SEC14L4: variants seen among roughly 807,000 people sequenced by gnomAD.
SEC14L4 encodes the protein SEC14 like lipid binding 4.
In SEC14L4, 42 loss-of-function variants were observed where a neutral mutation model predicts 55.1. That is an observed-to-expected ratio of 0.76 (90% CI 0.60 to 0.99). SEC14L4 has a LOEUF of 0.99. Ranked by LOEUF, SEC14L4 falls within the 50% of genes least tolerant of loss-of-function variation. SEC14L4 has a pLI of 0.00. For missense variants in SEC14L4, 445 were observed against 512.1 expected (o/e 0.87, Z 1.27); for synonymous variants, 206 against 206.8 (o/e 1.00, Z 0.03).
chr22:30,493,276 T>C (rs1478732134), intron 7 of SEC14L4, among the ~76,000 whole-genome samples: 1 of 152,166 alleles, frequency 6.6e-6, no homozygotes, highest in Non-Finnish European at 1.5e-5. Flanking sequence ...CTTCCTGTCC[T>C]GCCCTGAATT....
At chr22:30,492,392 C>G in intron 8 of SEC14L4, 82 bp downstream of exon 8, 1 of 1,355,704 alleles carries the variant, frequency 7.4e-7, no homozygotes, top group Non-Finnish European at 1.0e-6. Context: ...GAGTAGAGGA[C>G]GAGCCAGGGA....
At position 30,491,836 on chromosome 22, in the gene SEC14L4, G is replaced by A; in HGVS notation, c.909C>T (p.Leu303=). The A allele has an allele frequency of 6.2e-7, 1 of 1,611,948 alleles. No individual in the cohort carries two copies. Among genetic ancestry groups the A allele is most frequent in the Non-Finnish European group, 8.5e-7 (1 of 1,179,190 alleles). The part of the protein sequence containing the change: ...ENEILFPGCV[L]RWQFASDGGD... ...TGTAGAGTGGCTGCCATCCCTACCT[G>A]AGCACACAGCCCGGGAACAGGATCT... The change falls in exon 10 of 12, where the codon CTC becomes CTT. Residue 303 remains leucine (L), a splice_region_variant and synonymous_variant. Coordinates refer to ENST00000255858, the MANE Select transcript of SEC14L4 (RefSeq NM_174977.4).
chr22:30,490,244 C>T lies in SEC14L4; in HGVS notation c.1084G>A (p.Val362Ile), dbSNP rs1294522518. ...CTGTAGGTGTTGTCGAAGCGCAGGACATCTGCAGTGATGGAGAGGTGATCA... is the reference window on the plus strand; with the variant it reads ...CTGTAGGTGTTGTCGAAGCGCAGGATATCTGCAGTGATGGAGAGGTGATCA... ...SLTCLQAGVY[V>I]LRFDNTYSRM... The change falls in exon 12 of 12, where the codon GTC (valine) becomes ATC (isoleucine). Residue 362 changes from valine to isoleucine, a missense_variant and splice_region_variant. Coordinates refer to ENST00000255858, the MANE Select transcript of SEC14L4 (RefSeq NM_174977.4). 1 of 1,613,110 alleles carries T rather than the reference C, an allele frequency of 6.2e-7. No homozygotes were observed. The highest frequency in any genetic ancestry group is 1.1e-5 in the South Asian group (1 of 91,084).
At chr22:30,502,948 C>T (rs1936376338) in intron 2 of SEC14L4, among the ~76,000 whole-genome samples, 1 of 152,248 alleles carries the variant, frequency 6.6e-6, no homozygotes, top group East Asian at 1.9e-4. Flanking sequence ...TGGGCACCTG[C>T]TCAGTGCACT....
chr22:30,491,014 A>T (rs1935934663), intron 11 of SEC14L4, among the ~76,000 whole-genome samples: 1 of 152,162 alleles, frequency 6.6e-6, no homozygotes, highest in Non-Finnish European at 1.5e-5. Flanking sequence ...AAAATGAAAT[A>T]AGGTAATGTG....
intron 7 of SEC14L4, 69 bp from the exon 8 acceptor site, chr22:30,492,626 G>T: frequency 8.0e-7 from 1 of 1,249,658 alleles, no homozygotes; most frequent in South Asian, 1.2e-5. Flanking sequence ...CCACAGCCAA[G>T]AGCAGGTGCT....
chr22:30,493,181 A>T (rs1249980973), intron 7 of SEC14L4, among the ~76,000 whole-genome samples: 1 of 151,988 alleles, frequency 6.6e-6, no homozygotes, highest in Non-Finnish European at 1.5e-5. Context: ...CTCTAGGGTC[A>T]GCAATATTGA....
chr22:30,491,312 T>C, intron 11 of SEC14L4: 1 of 538,250 alleles, frequency 1.9e-6, no homozygotes, highest in Non-Finnish European at 3.3e-6. Flanking sequence ...TACTTACCTG[T>C]CTCTTAGTCC....
chr22:30,503,804 C>G, intron 1 of SEC14L4, 52 bp from the exon 2 acceptor site: 5 of 1,438,462 alleles, frequency 3.5e-6, no homozygotes, highest in Non-Finnish European at 4.9e-6. Context: ...CCTCGGGGGC[C>G]ACCAACCCCG....
intron 7 of SEC14L4, 56 bp downstream of exon 7, chr22:30,494,094 G>A (rs1329769956): frequency 3.1e-6 from 4 of 1,308,598 alleles, no homozygotes; most frequent in African/African-American, 2.9e-5. Flanking sequence ...CTTACCTACT[G>A]TACCCCCAAT....
Position 30,495,599 on chromosome 22 carries a change from G to A in SEC14L4, c.218C>T (p.Thr73Ile), listed in dbSNP as rs1936122698. 1 of 1,614,022 alleles carries A rather than the reference G, an allele frequency of 6.2e-7. No individual in the cohort carries two copies. The highest frequency in any genetic ancestry group is 8.5e-7 in the Non-Finnish European group (1 of 1,180,018). Reference sequence around the variant, plus strand: ...GAGGCTCACCTCAGGGGGCTGCCATGTGACAATGTTGTCCAGGTCTTGTTG... The same window carrying A: ...GAGGCTCACCTCAGGGGGCTGCCATATGACAATGTTGTCCAGGTCTTGTTG... Reference protein sequence around the residue: ...RKQQDLDNIVTWQPPEVIQLY... With the variant: ...RKQQDLDNIVIWQPPEVIQLY... Residue 73 changes from threonine to isoleucine, a missense_variant, in exon 4 of 12, where the codon ACA becomes ATA. By Grantham distance (89) the Thr-to-Ile change is moderately conservative. Transcript: ENST00000255858.
chr22:30,497,216 G>A (rs1424723071), intron 2 of SEC14L4, among the ~76,000 whole-genome samples: 2 of 152,178 alleles, frequency 1.3e-5, no homozygotes, highest in Non-Finnish European at 2.9e-5. Context: ...GCAGGTGCCT[G>A]TAATCCCAGC....
chr22:30,495,060 C>T (rs1254090372), intron 5 of SEC14L4, 99 bp from the exon 6 acceptor site: 6 of 1,146,150 alleles, frequency 5.2e-6, no homozygotes, highest in African/African-American at 1.5e-5. Context: ...TGCCATCCCA[C>T]CCTCTGGCAG....
Position 30,491,967 on chromosome 22 carries a change from AG to A in SEC14L4, c.777del (p.Tyr260MetfsTer15), listed in dbSNP as rs2146165238. Reference protein sequence around the residue: ...DGNPKCLTKINYGGEVPKSYY... With the variant: ...DGNPKCLTKIXYGGEVPKSYY... The stretch of plus-strand genomic sequence containing the variant: ...TAGCTCTTGGGCACCTCACCCCCAT[AG>A]TTGATCTGTGGGTGAAGGGGGTGTG... On this transcript the variant is annotated frameshift_variant, in exon 10 of 12. Coordinates refer to ENST00000255858, the MANE Select transcript of SEC14L4 (RefSeq NM_174977.4). LOFTEE classifies it high-confidence loss of function. 1 of 1,613,744 alleles carries A rather than the reference AG, an allele frequency of 6.2e-7. No homozygotes were observed. The highest frequency in any genetic ancestry group is 2.2e-5 in the East Asian group (1 of 44,882).
At chr22:30,501,086 C>A (rs1000847422) in intron 2 of SEC14L4, among the ~76,000 whole-genome samples, 4 of 152,066 alleles carry the variant, frequency 2.6e-5, no homozygotes, top group African/African-American at 2.4e-5. Flanking sequence ...AAAAGAACTT[C>A]AGAAGGAGGG....
intron 1 of SEC14L4, among the ~76,000 whole-genome samples, chr22:30,504,884 A>C (rs923417473): frequency 5.3e-5 from 8 of 152,312 alleles, no homozygotes; most frequent in Admixed American, 3.3e-4. Flanking sequence ...TGGGAGGCCA[A>C]GGCGGATGGA....
chr22:30,491,284 T>G, intron 11 of SEC14L4: 2 of 461,714 alleles, frequency 4.3e-6, no homozygotes, highest in Non-Finnish European at 7.8e-6. Flanking sequence ...GACCCCTGAC[T>G]CTAAGTCCAT....
intron 2 of SEC14L4, among the ~76,000 whole-genome samples, chr22:30,503,253 GT>G: frequency 1.3e-5 from 2 of 151,270 alleles, no homozygotes; most frequent in East Asian, 1.9e-4. Flanking sequence ...CAGACCCTGT[GT>G]TTTTTGTTTT....
In SEC14L4 at chr22:30,503,759, G is replaced by A. The variant is rs768105506; in HGVS notation, c.55-7C>T. The A allele has an allele frequency of 2.1e-5, 34 of 1,610,202 alleles. No individual in the cohort carries two copies. Among genetic ancestry groups the A allele is most frequent in the East Asian group, 6.7e-5 (3 of 44,698 alleles). On this transcript the variant is annotated splice_region_variant and splice_polypyrimidine_tract_variant and intron_variant, in intron 1 of 11. Coordinates refer to ENST00000255858, the MANE Select transcript of SEC14L4 (RefSeq NM_174977.4). ...CCTGGAGGTTCTCCCGGAACTGAGCGGAGGAGGATCTGATGGTCGGCGGAG... is the reference window on the plus strand; with the variant it reads ...CCTGGAGGTTCTCCCGGAACTGAGCAGAGGAGGATCTGATGGTCGGCGGAG...
Sources: allele counts gnomAD v4.1 joint callset (sites outside exome capture counted in the v4.1 genomes callset), GRCh38; gene constraint gnomAD v4.1.1; transcripts MANE v1.5; gene names NCBI Gene and HGNC (gene_info 2026-07-23, HGNC 2026-07-21).